Variants in SYNPR observed in about 807,000 individuals in gnomAD.
SYNPR encodes the protein synaptoporin.
A neutral mutation model predicts 32.9 loss-of-function variants in SYNPR; 23 were observed. That is an observed-to-expected ratio of 0.70 (90% CI 0.50 to 0.99). SYNPR has a LOEUF of 0.99. Ranked by LOEUF, SYNPR falls within the 50% of genes least tolerant of loss-of-function variation. The probability of loss-of-function intolerance (pLI) is 0.00; values close to 1 mark genes in which losing one functional copy is unlikely to be tolerated. For missense variants in SYNPR, 318 were observed against 349.3 expected (o/e 0.91, Z 0.71); for synonymous variants, 146 against 135.9 (o/e 1.07, Z -0.52).
intron 2 of SYNPR, among the ~76,000 whole-genome samples, chr3:63,322,275 C>T (rs2087118590): frequency 6.6e-6 from 1 of 152,054 alleles, no homozygotes; most frequent in Admixed American, 6.6e-5. Context: ...TGCATATAAA[C>T]AGAGGAGGAA....
At chr3:63,261,459 T>C (rs1360833475) in intron 2 of SYNPR, among the ~76,000 whole-genome samples, 14 of 149,820 alleles carry the variant, frequency 9.3e-5, no homozygotes, top group African/African-American at 2.0e-4. Flanking sequence ...AGTAAACTAT[T>C]GCAAGAACAA....
chr3:63,524,570 A>C (rs1034211770), intron 3 of SYNPR, among the ~76,000 whole-genome samples: 1 of 152,070 alleles, frequency 6.6e-6, no homozygotes, highest in Non-Finnish European at 1.5e-5. Context: ...GCAATGGCTC[A>C]CTGATGGTCA....
chr3:63,283,469 TG>T (rs2086648716), intron 2 of SYNPR, among the ~76,000 whole-genome samples: 1 of 152,216 alleles, frequency 6.6e-6, no homozygotes, highest in Non-Finnish European at 1.5e-5. Flanking sequence ...CTGACTCTGG[TG>T]GTCTTTTACA....
intron 3 of SYNPR, among the ~76,000 whole-genome samples, chr3:63,509,415 A>C (rs1163116446): frequency 6.6e-6 from 1 of 151,894 alleles, no homozygotes; most frequent in African/African-American, 2.4e-5. Flanking sequence ...ATATCTAAAA[A>C]TAAATCTTTT....
At chr3:63,316,369 T>G (rs951204816) in intron 2 of SYNPR, among the ~76,000 whole-genome samples, 2 of 151,254 alleles carry the variant, frequency 1.3e-5, no homozygotes, top group Non-Finnish European at 2.9e-5. Context: ...GGTCCTGGAC[T>G]TTTTTTTGTT....
At position 63,235,215 on chromosome 3, in the gene SYNPR, C is replaced by T. The variant is rs558552740; in HGVS notation, n.66+6835C>T. On this transcript the variant is annotated intron_variant and non_coding_transcript_variant, in intron 1 of 4. Transcript: ENST00000478456. ...ACACAGTGAGGATCTTTCATATTTC[C>T]TGTTTATAATATAACAGGAAACAGG... 3.8e-4 allele frequency among the ~76,000 whole-genome samples: 58 copies of T among 152,130 alleles called. 1 individual carries two copies. Among genetic ancestry groups the T allele is most frequent in the Admixed American group, 9.8e-4 (15 of 15,254 alleles).
At chr3:63,225,325 G>C (rs576450229), upstream of SYNPR, among the ~76,000 whole-genome samples, 1 of 152,296 alleles carries the variant, frequency 6.6e-6, no homozygotes, top group East Asian at 1.9e-4. Flanking sequence ...CCAGCTTCTG[G>C]ATGGCACATC....
intron 4 of SYNPR, among the ~76,000 whole-genome samples, chr3:63,608,440 T>C (rs1235906256): frequency 6.6e-6 from 1 of 152,214 alleles, no homozygotes; most frequent in East Asian, 1.9e-4. Flanking sequence ...ATATGATTAT[T>C]GTAAGAATAA....
chr3:63,581,039 T>C (rs973983189), intron 4 of SYNPR, among the ~76,000 whole-genome samples: 1 of 152,144 alleles, frequency 6.6e-6, no homozygotes, highest in Non-Finnish European at 1.5e-5. Flanking sequence ...AGAACTGACT[T>C]CAGAACTGTA....
chr3:63,574,690 G>A (rs77551611), intron 4 of SYNPR, among the ~76,000 whole-genome samples: 16,024 of 152,062 alleles, frequency 0.11, 904 homozygotes, highest in Middle Eastern at 0.12. Context: ...ATCTTTGAGT[G>A]CAGAGATCTT....
At chr3:63,491,100 C>T (rs888229865) in intron 3 of SYNPR, among the ~76,000 whole-genome samples, 15 of 150,806 alleles carry the variant, frequency 9.9e-5, no homozygotes, top group Admixed American at 9.9e-4. Flanking sequence ...AGACAACCAG[C>T]GGATTTGACT....
intron 2 of SYNPR, among the ~76,000 whole-genome samples, chr3:63,319,926 T>G (rs1043568841): frequency 2.0e-5 from 3 of 152,068 alleles, no homozygotes; most frequent in African/African-American, 7.2e-5. Context: ...GAGGCTATAG[T>G]GAACATATTT....
intron 2 of SYNPR, among the ~76,000 whole-genome samples, chr3:63,299,618 A>G (rs1455850488): frequency 1.3e-5 from 2 of 152,192 alleles, no homozygotes; most frequent in Admixed American, 1.3e-4. Context: ...GCAGAAAAAC[A>G]TAGCTCACAG....
At chr3:63,522,312 A>G (rs1701932816) in intron 3 of SYNPR, among the ~76,000 whole-genome samples, 1 of 152,208 alleles carries the variant, frequency 6.6e-6, no homozygotes, top group African/African-American at 2.4e-5. Context: ...TTTGACCCTC[A>G]GTTTCTTAGT....
intron 2 of SYNPR, among the ~76,000 whole-genome samples, chr3:63,329,211 TTATTA>T (rs945703861): frequency 1.1e-4 from 16 of 152,220 alleles, no homozygotes; most frequent in Non-Finnish European, 1.2e-4. Flanking sequence ...ATACATTATT[TTATTA>T]TGAGAGTTTA....
At chr3:63,494,448 C>CGTAT (rs1412185698) in intron 3 of SYNPR, among the ~76,000 whole-genome samples, 111 of 89,284 alleles carry the variant, frequency 1.2e-3, no homozygotes, top group Middle Eastern at 5.7e-3. Context: ...TATATATATA[C>CGTAT]ACATATATAT....
At chr3:63,381,827 T>C (rs1205710823) in intron 2 of SYNPR, among the ~76,000 whole-genome samples, 2 of 152,226 alleles carry the variant, frequency 1.3e-5, no homozygotes, top group African/African-American at 4.8e-5. Flanking sequence ...TGTGGATTAC[T>C]GAAACATCTC....
chr3:63,488,873 G>A (rs1156247586), intron 3 of SYNPR, among the ~76,000 whole-genome samples: 2 of 152,058 alleles, frequency 1.3e-5, no homozygotes, highest in South Asian at 4.2e-4. Context: ...GCATGAAAAG[G>A]GTTAAATGAA....
At chr3:63,327,121 A>G (rs2087176011) in intron 2 of SYNPR, among the ~76,000 whole-genome samples, 1 of 152,080 alleles carries the variant, frequency 6.6e-6, no homozygotes, top group Non-Finnish European at 1.5e-5. Flanking sequence ...GCAAATTGGG[A>G]GGGGAAATAG....
Sources: gnomAD v4.1 joint callset for allele counts (sites outside exome capture counted in the v4.1 genomes callset) on GRCh38, gnomAD v4.1.1 for gene constraint, MANE v1.5 for transcripts, NCBI Gene and HGNC (gene_info 2026-07-23, HGNC 2026-07-21) for gene names.